PARD3: variants seen among roughly 807,000 people sequenced by gnomAD.
PARD3 encodes partitioning defective 3 homolog.
A neutral mutation model predicts 155.4 loss-of-function variants in PARD3; 75 were observed. The observed-to-expected ratio is 0.48, with a 90% CI of 0.40 to 0.58. PARD3 has a LOEUF of 0.58. PARD3 is among the 20% of genes least tolerant of loss of function. The probability of loss-of-function intolerance (pLI) is 0.00; values close to 1 mark genes in which losing one functional copy is unlikely to be tolerated. For missense variants in PARD3, 1,642 were observed against 1,721.7 expected (o/e 0.95, Z 0.82); for synonymous variants, 576 against 610.5 (o/e 0.94, Z 0.83).
chr10:34,372,565 C>A (rs1294232924), intron 11 of PARD3, 29 bp from the exon 12 acceptor site: 2 of 1,554,844 alleles, frequency 1.3e-6, no homozygotes, highest in Non-Finnish European at 1.8e-6. Context: ...AACATAAATA[C>A]AGACTGACCA....
chr10:34,764,729 G>T (rs1207116436), intron 1 of PARD3, among the ~76,000 whole-genome samples: 1 of 152,152 alleles, frequency 6.6e-6, no homozygotes, highest in Non-Finnish European at 1.5e-5. Flanking sequence ...CTGTTGACTG[G>T]AAAGAAAATG....
intron 2 of PARD3, chr10:34,664,043 C>A (rs1202774176): frequency 1.3e-5 from 2 of 152,234 alleles, no homozygotes; most frequent in Non-Finnish European, 2.9e-5. Context: ...AGGGCCGCAG[C>A]AGCACAGGGA....
chr10:34,645,862 T>C (rs1160235083), intron 2 of PARD3, among the ~76,000 whole-genome samples: 2 of 152,236 alleles, frequency 1.3e-5, no homozygotes, highest in South Asian at 2.1e-4. Context: ...ATGTTCTAAT[T>C]CTTCCCCGTT....
intron 1 of PARD3, among the ~76,000 whole-genome samples, chr10:34,700,910 G>A (rs372799548): frequency 9.2e-5 from 14 of 152,102 alleles, no homozygotes; most frequent in South Asian, 6.2e-4. Context: ...GGGAGGCGGA[G>A]GTTGCAGTGA....
At chr10:34,254,125 T>C (rs966841629) in intron 22 of PARD3, among the ~76,000 whole-genome samples, 33 of 152,212 alleles carry the variant, frequency 2.2e-4, no homozygotes, top group African/African-American at 8.0e-4. Context: ...CTCACTCCTA[T>C]AATTCCAGCA....
intron 2 of PARD3, among the ~76,000 whole-genome samples, chr10:34,688,061 C>CA (rs1343243729): frequency 6.6e-6 from 1 of 151,818 alleles, no homozygotes; most frequent in African/African-American, 2.4e-5. Flanking sequence ...TTAGGTTGCC[C>CA]AGGCTGCTCT....
chr10:34,777,697 A>ATT (rs879287108), intron 1 of PARD3, among the ~76,000 whole-genome samples: 5,343 of 144,366 alleles, frequency 0.037, 323 homozygotes, highest in African/African-American at 0.13. Context: ...CAGTCAGCTA[A>ATT]TTTTTTTTTT....
At chr10:34,609,946 C>G (rs570107018) in intron 2 of PARD3, among the ~76,000 whole-genome samples, 1 of 152,314 alleles carries the variant, frequency 6.6e-6, no homozygotes, top group African/African-American at 2.4e-5. Context: ...GGGAAACCTT[C>G]TGCAGAATTA....
chr10:34,204,823 G>A (rs1588748194), intron 22 of PARD3, among the ~76,000 whole-genome samples: 1 of 152,294 alleles, frequency 6.6e-6, no homozygotes, highest in East Asian at 1.9e-4. Flanking sequence ...AGAAATGTGT[G>A]ACTTCATAAG....
intron 18 of PARD3, among the ~76,000 whole-genome samples, chr10:34,333,806 C>T (rs999508866): frequency 3.9e-5 from 6 of 152,002 alleles, no homozygotes; most frequent in Non-Finnish European, 7.4e-5. Flanking sequence ...TGCTAACATT[C>T]GATTTATAAT....
At chr10:34,118,330 G>A (rs1253654821) in intron 24 of PARD3, among the ~76,000 whole-genome samples, 1 of 152,120 alleles carries the variant, frequency 6.6e-6, no homozygotes, top group Non-Finnish European at 1.5e-5. Context: ...GGTTGTTACA[G>A]TGATTATTTA....
intron 2 of PARD3, among the ~76,000 whole-genome samples, chr10:34,671,769 T>C (rs1163902775): frequency 6.6e-6 from 1 of 152,176 alleles, no homozygotes; most frequent in African/African-American, 2.4e-5. Flanking sequence ...AACTGTACAA[T>C]CTGTACTTCT....
At chr10:34,282,101 ACAAGTGC>A (rs72458027) in intron 21 of PARD3, among the ~76,000 whole-genome samples, 5,604 of 151,634 alleles carry the variant, frequency 0.037, 349 homozygotes, top group African/African-American at 0.11. Flanking sequence ...CTATTAAAAT[ACAAGTGC>A]CAAACCTACT....
intron 22 of PARD3, among the ~76,000 whole-genome samples, chr10:34,153,033 G>A (rs1948848676): frequency 6.6e-6 from 1 of 152,146 alleles, no homozygotes; most frequent in Non-Finnish European, 1.5e-5. Flanking sequence ...TCCCTGCCCA[G>A]GGCTACTTCA....
In PARD3 at chr10:34,794,240, T is replaced by C. The variant is rs1321665392; in HGVS notation, c.120+20636A>G. Among the ~76,000 whole-genome samples, 4 of 152,332 alleles carry C rather than the reference T, an allele frequency of 2.6e-5. No individual in the cohort carries two copies. The East Asian group carries it at 5.8e-4, about 22-fold the overall frequency. On this transcript the variant is annotated intron_variant, in intron 1 of 24. Transcript: ENST00000374788. ...ACATAACCACCTATACCCTTTCCAC[T>C]GTATTTTTCTGCCTCTGCTGAGGAT... is the stretch of plus-strand genomic sequence containing the variant.
intron 5 of PARD3, among the ~76,000 whole-genome samples, chr10:34,405,367 C>A (rs962838713): frequency 9.2e-5 from 14 of 151,994 alleles, no homozygotes; most frequent in African/African-American, 3.4e-4. Flanking sequence ...CTGTGCCTTG[C>A]AAAACAATTT....
chr10:34,309,332 G>T (rs1365752886), intron 20 of PARD3, among the ~76,000 whole-genome samples: 1 of 152,044 alleles, frequency 6.6e-6, no homozygotes, highest in Non-Finnish European at 1.5e-5. Flanking sequence ...GCAGAGGCCA[G>T]AGGATTGCTT....
chr10:34,407,591 A>G (rs977903799), intron 5 of PARD3, among the ~76,000 whole-genome samples: 5 of 152,218 alleles, frequency 3.3e-5, no homozygotes, highest in Admixed American at 6.5e-5. Context: ...ACTTTTGCCT[A>G]AAAAGGCAGT....
At chr10:34,710,028 T>C (rs1320670252) in intron 1 of PARD3, among the ~76,000 whole-genome samples, 1 of 152,106 alleles carries the variant, frequency 6.6e-6, no homozygotes, top group Non-Finnish European at 1.5e-5. Flanking sequence ...TAGAATTTGG[T>C]ACCACGCATC....
Sources: allele counts gnomAD v4.1 joint callset (sites outside exome capture counted in the v4.1 genomes callset), GRCh38; gene constraint gnomAD v4.1.1; transcripts MANE v1.5; gene names NCBI Gene and HGNC (gene_info 2026-07-23, HGNC 2026-07-21).